EIF4ENIF1: variants seen among roughly 807,000 people sequenced by gnomAD.
EIF4ENIF1 encodes eukaryotic translation initiation factor 4E transporter.
Under a neutral mutation model 110.5 loss-of-function variants are expected in EIF4ENIF1, and 23 were observed. The observed-to-expected ratio is 0.21, with a 90% confidence interval of 0.15 to 0.29. The LOEUF is 0.29. Ranked by LOEUF, EIF4ENIF1 falls within the 10% of genes least tolerant of loss-of-function variation. The pLI is 1.00. For missense variants in EIF4ENIF1, 1,031 were observed against 1,221.1 expected (o/e 0.84, Z 2.32); for synonymous variants, 440 against 437.0 (o/e 1.01, Z -0.09).
intron 3 of EIF4ENIF1, among the ~76,000 whole-genome samples, chr22:31,470,535 T>G (rs1234695191): frequency 6.6e-6 from 1 of 152,070 alleles, no homozygotes. Context: ...CGCCCTGGCC[T>G]CCCAAAGTGC....
At chr22:31,451,592 C>T (rs762746787) in intron 10 of EIF4ENIF1, among the ~76,000 whole-genome samples, 5 of 151,986 alleles carry the variant, frequency 3.3e-5, no homozygotes, top group African/African-American at 7.2e-5. Flanking sequence ...ATTTTTTAAA[C>T]GAGCTGTTCC....
chr22:31,443,181 CAA>C (rs1044781847), intron 15 of EIF4ENIF1, 87 bp from the exon 16 acceptor site: 12 of 1,537,578 alleles, frequency 7.8e-6, no homozygotes, highest in Non-Finnish European at 1.0e-5. Context: ...AGATACTCAA[CAA>C]AGAGTCCCCA....
intron 6 of EIF4ENIF1, among the ~76,000 whole-genome samples, chr22:31,460,967 A>C (rs2050974322): frequency 6.6e-6 from 1 of 152,082 alleles, no homozygotes; most frequent in Non-Finnish European, 1.5e-5. Flanking sequence ...CAAACAAAAA[A>C]CAAAAAAAAA....
intron 2 of EIF4ENIF1, among the ~76,000 whole-genome samples, 176 bp downstream of exon 2, chr22:31,488,447 G>A (rs1401144799): frequency 6.6e-6 from 1 of 152,032 alleles, no homozygotes; most frequent in African/African-American, 2.4e-5. Context: ...CTTAAACGCT[G>A]GGTATCTACA....
At position 31,450,894 on chromosome 22, in the gene EIF4ENIF1, CAA is replaced by C. The variant is rs1343246427; in HGVS notation, c.1513-536_1513-535del. 611 of 142,830 alleles carry C rather than the reference CAA, an allele frequency of 4.3e-3. 5 individuals carry two copies. The highest frequency in any genetic ancestry group is 0.013 in the African/African-American group (409 of 32,606). 8.8% of individuals were successfully genotyped at this position (142,830 alleles called of 1,614,324 possible). A position where few individuals can be genotyped will look rare whatever the true frequency, so the allele number is the denominator to read the frequency against. On this transcript the variant is annotated intron_variant, in intron 10 of 18. Transcript: ENST00000330125. ...ACACACACACACACACACACACACA[CAA>C]AAGAGACAGGGTCTTGTTCTGTTGC...
chr22:31,476,224 C>T (rs899964010), intron 2 of EIF4ENIF1, among the ~76,000 whole-genome samples: 1 of 152,210 alleles, frequency 6.6e-6, no homozygotes, highest in Non-Finnish European at 1.5e-5. Context: ...CAATCAAAGA[C>T]AATCTTTCAC....
chr22:31,456,491 G>C (rs1411474467), intron 7 of EIF4ENIF1, among the ~76,000 whole-genome samples: 1 of 151,728 alleles, frequency 6.6e-6, no homozygotes, highest in Non-Finnish European at 1.5e-5. Flanking sequence ...CCAAAGTGCT[G>C]GGATTACAAG....
intron 8 of EIF4ENIF1, 123 bp from the exon 9 acceptor site, chr22:31,455,438 G>A (rs912801022): frequency 1.2e-5 from 10 of 866,856 alleles, no homozygotes; most frequent in Middle Eastern, 8.0e-4. Flanking sequence ...TCGCTTTTTC[G>A]CCCAGGCTGG....
intron 3 of EIF4ENIF1, 104 bp from the exon 4 acceptor site, chr22:31,468,406 C>T: frequency 6.6e-7 from 1 of 1,516,444 alleles, no homozygotes; most frequent in Non-Finnish European, 9.0e-7. Flanking sequence ...CCCATTTCTC[C>T]TTTTTTGAGA....
Position 31,449,434 on chromosome 22 carries a change from C to T in EIF4ENIF1, c.1682G>A (p.Arg561Lys). The T allele has an allele frequency of 6.2e-7, 1 of 1,614,134 alleles. No homozygotes were observed. The highest frequency in any genetic ancestry group is 8.5e-7 in the Non-Finnish European group (1 of 1,180,032). The change falls in exon 12 of 19, where the codon AGA becomes AAA. Residue 561 changes from arginine to lysine, a missense_variant. This residue lies in a region of EIF4ENIF1 where 704 missense variants were observed against 879.7 expected (regional missense o/e 0.80). Transcript: ENST00000330125. The stretch of plus-strand genomic sequence containing the variant: ...CTGTGACAAGGGAGGAGAGGGTGCT[C>T]TTTGGCCCAGTAAAGATGTTGTAGG... ...LEPTTSLLGQRAPSPPLSQVF... is the reference protein window; with the variant it reads ...LEPTTSLLGQKAPSPPLSQVF...
chr22:31,482,161 G>A (rs2051839626), intron 2 of EIF4ENIF1, among the ~76,000 whole-genome samples: 1 of 135,730 alleles, frequency 7.4e-6, no homozygotes, highest in Non-Finnish European at 1.6e-5. Context: ...GTGAGAGCCT[G>A]TCTCAAAAAA....
At chr22:31,478,172 C>G (rs2051661304) in intron 2 of EIF4ENIF1, among the ~76,000 whole-genome samples, 2 of 152,144 alleles carry the variant, frequency 1.3e-5, no homozygotes, top group South Asian at 4.1e-4. Context: ...TATCCCAGCA[C>G]AAGAAGATCC....
At chr22:31,443,803 A>G (rs540348783) in intron 15 of EIF4ENIF1, among the ~76,000 whole-genome samples, 57 of 144,560 alleles carry the variant, frequency 3.9e-4, no homozygotes, top group South Asian at 1.1e-3. Flanking sequence ...GTGGGGAATG[A>G]ACCTTTTTTT....
intron 12 of EIF4ENIF1, among the ~76,000 whole-genome samples, 164 bp from the exon 13 acceptor site, chr22:31,448,396 T>C (rs2145919611): frequency 6.6e-6 from 1 of 152,338 alleles, no homozygotes; most frequent in East Asian, 1.9e-4. Flanking sequence ...CAGTGGGCTA[T>C]GTGGACCTCA....
intron 4 of EIF4ENIF1, among the ~76,000 whole-genome samples, chr22:31,464,786 A>G (rs2051131895): frequency 6.9e-6 from 1 of 145,702 alleles, no homozygotes; most frequent in Non-Finnish European, 1.5e-5. Context: ...AAAACCTAAA[A>G]CTAAAAATTT....
At chr22:31,455,044 T>C in intron 9 of EIF4ENIF1, 92 bp downstream of exon 9, 1 of 1,138,188 alleles carries the variant, frequency 8.8e-7, no homozygotes, top group Non-Finnish European at 1.2e-6. Flanking sequence ...TTTGACTTTT[T>C]ATGAAACAGA....
chr22:31,480,451 G>A (rs1377166717), intron 2 of EIF4ENIF1, among the ~76,000 whole-genome samples: 4 of 152,188 alleles, frequency 2.6e-5, no homozygotes, highest in Non-Finnish European at 5.9e-5. Flanking sequence ...ATTTATGGAA[G>A]GGGGATTAAA....
intron 2 of EIF4ENIF1, among the ~76,000 whole-genome samples, chr22:31,483,138 T>C (rs545540699): frequency 2.7e-5 from 4 of 149,720 alleles, no homozygotes; most frequent in Non-Finnish European, 5.9e-5. Context: ...GCAGGTACTA[T>C]ATTCCAGAAC....
chr22:31,481,292 A>G (rs1366521094), intron 2 of EIF4ENIF1, among the ~76,000 whole-genome samples: 2 of 151,388 alleles, frequency 1.3e-5, no homozygotes, highest in Non-Finnish European at 2.9e-5. Context: ...CCTCTTGAGT[A>G]TCTGGGACCA....
Sources: allele counts gnomAD v4.1 joint callset (sites outside exome capture counted in the v4.1 genomes callset), GRCh38; gene constraint gnomAD v4.1.1; regional missense constraint gnomAD v4.1.1; transcripts MANE v1.5; gene names NCBI Gene and HGNC (gene_info 2026-07-23, HGNC 2026-07-21).